Variants in ARHGAP35 observed in about 807,000 individuals in gnomAD.
ARHGAP35 encodes the protein rho GTPase-activating protein 35.
Under a neutral mutation model 111.1 loss-of-function variants are expected in ARHGAP35, and 15 were observed. That is an observed-to-expected ratio of 0.13 (90% CI 0.09 to 0.21). The LOEUF is 0.21. ARHGAP35 is among the 10% of genes least tolerant of loss of function. The pLI is 1.00. For missense variants in ARHGAP35, 1,262 were observed against 1,873.0 expected (o/e 0.67, Z 6.02); for synonymous variants, 643 against 710.3 (o/e 0.91, Z 1.51).
rs1342042807 is a variant in ARHGAP35, at chr19:46,999,042, T to C, written c.4037-262T>C. Reference sequence around the variant, plus strand: ...CGGAGTGTCTCCAGATTGTTCTGTCTTGGGTGGTGGGGGCCAGGAAGCCCC... The same window carrying C: ...CGGAGTGTCTCCAGATTGTTCTGTCCTGGGTGGTGGGGGCCAGGAAGCCCC... On this transcript the variant is annotated intron_variant, in intron 5 of 6. Coordinates refer to ENST00000672722, the MANE Select transcript of ARHGAP35 (RefSeq NM_004491.5). This position sits in a 1 kb window ranked among gnomAD's most constrained non-coding sequence, Gnocchi z 5.4. 1 of 501,182 alleles carries C rather than the reference T, an allele frequency of 2.0e-6. No individual in the cohort carries two copies. The highest frequency in any genetic ancestry group is 3.3e-5 in the Admixed American group (1 of 30,216). The allele number at this position is 501,182 out of a possible 1,614,324, so 31.0% of individuals were successfully genotyped here.
chr19:46,937,584 G>A (rs1438980357), intron 3 of ARHGAP35, among the ~76,000 whole-genome samples, 176 bp downstream of exon 3: 2 of 151,214 alleles, frequency 1.3e-5, no homozygotes, highest in Admixed American at 1.3e-4. Flanking sequence ...TTTGTGTGCA[G>A]TTTTGAGGCT....
Position 46,919,128 on chromosome 19 carries a change from A to G in ARHGAP35, c.453A>G (p.Pro151=). Residue 151 remains proline, a synonymous_variant, in exon 2 of 7, where the codon CCA becomes CCG. Coordinates refer to ENST00000672722, the MANE Select transcript of ARHGAP35 (RefSeq NM_004491.5). This position sits in a 1 kb window ranked among gnomAD's most constrained non-coding sequence, Gnocchi z 6.2. ...LEQDFEQKQM[P]DGKLLVDGFL... ...AGGACTTTGAGCAGAAACAAATGCC[A>G]GACGGAAAGCTGCTGGTTGATGGTT... The G allele has an allele frequency of 6.2e-7, 1 of 1,614,032 alleles. No individual in the cohort carries two copies. Among genetic ancestry groups the G allele is most frequent in the East Asian group, 2.2e-5 (1 of 44,880 alleles).
chr19:46,966,472 G>A (rs888047977), intron 3 of ARHGAP35, among the ~76,000 whole-genome samples: 6 of 152,142 alleles, frequency 3.9e-5, no homozygotes, highest in African/African-American at 1.2e-4. Flanking sequence ...TCACTTGAGC[G>A]TGGGAGGTTG....
At chr19:46,927,209 C>T (rs140264344) in intron 2 of ARHGAP35, among the ~76,000 whole-genome samples, 19 of 152,322 alleles carry the variant, frequency 1.2e-4, no homozygotes, top group African/African-American at 4.6e-4. Context: ...ACATGCATTT[C>T]GGTGCGTGGG....
At chr19:46,873,210 C>T (rs1214263794) in intron 1 of ARHGAP35, among the ~76,000 whole-genome samples, 7 of 152,088 alleles carry the variant, frequency 4.6e-5, no homozygotes, top group Admixed American at 3.9e-4. Flanking sequence ...AGAATGCTTT[C>T]GCCCAGTGTG....
intron 5 of ARHGAP35, among the ~76,000 whole-genome samples, chr19:46,997,215 C>T (rs1308748181): frequency 2.6e-5 from 4 of 152,174 alleles, no homozygotes; most frequent in Admixed American, 2.0e-4. Flanking sequence ...ACCTTGGATT[C>T]AGAGAGATGA....
intron 3 of ARHGAP35, among the ~76,000 whole-genome samples, chr19:46,966,067 C>T (rs912336988): frequency 6.6e-6 from 1 of 152,178 alleles, no homozygotes; most frequent in East Asian, 1.9e-4. Context: ...TTCACTTGTA[C>T]ATCCAGCAGC....
At chr19:46,973,019 G>C (rs1010202569) in intron 3 of ARHGAP35, among the ~76,000 whole-genome samples, 4 of 89,266 alleles carry the variant, frequency 4.5e-5, no homozygotes, top group Admixed American at 1.9e-4. Flanking sequence ...AACTACCTGA[G>C]GATTTTTTTT....
At chr19:46,967,430 C>T (rs1568482378) in intron 3 of ARHGAP35, among the ~76,000 whole-genome samples, 1 of 152,166 alleles carries the variant, frequency 6.6e-6, no homozygotes, top group Non-Finnish European at 1.5e-5. Flanking sequence ...ATTGTTTTTA[C>T]CACCTAAGCG....
chr19:46,929,261 T>G (rs932005975), intron 2 of ARHGAP35, among the ~76,000 whole-genome samples: 1 of 152,192 alleles, frequency 6.6e-6, no homozygotes, highest in African/African-American at 2.4e-5. Context: ...AGAATACATT[T>G]GGAGCATAAG....
intron 1 of ARHGAP35, among the ~76,000 whole-genome samples, chr19:46,880,915 ATCC>A (rs1329815065): frequency 6.9e-6 from 1 of 145,564 alleles, no homozygotes; most frequent in Non-Finnish European, 1.5e-5. Flanking sequence ...GCCTGAAGGG[ATCC>A]TCCTGCCTCA....
chr19:46,914,438 C>T (rs891795136), intron 1 of ARHGAP35, among the ~76,000 whole-genome samples: 16 of 151,534 alleles, frequency 1.1e-4, no homozygotes, highest in African/African-American at 3.9e-4. Context: ...TAGCAAGACC[C>T]CATTTCTAAA....
chr19:46,911,811 G>A (rs2056138851), intron 1 of ARHGAP35, among the ~76,000 whole-genome samples: 1 of 152,032 alleles, frequency 6.6e-6, no homozygotes, highest in Non-Finnish European at 1.5e-5. Context: ...TACTAATTAA[G>A]GTTCTCTAAA....
rs1032700829 is a variant in ARHGAP35, at chr19:46,992,489, C to T, written c.4036+2814C>T. On this transcript the variant is annotated intron_variant, in intron 5 of 6. Transcript: ENST00000672722. The surrounding 1 kb of genome is among the most constrained non-coding windows in gnomAD (Gnocchi z 4.4). ...TGCCTGTTCTGTCTCCTACCTGTAG[C>T]CCACCCCCACCTTCAAGAGTCGCTC... Among the ~76,000 whole-genome samples, 2 of 151,978 alleles carry T rather than the reference C, an allele frequency of 1.3e-5. No homozygotes were observed. Among genetic ancestry groups the T allele is most frequent in the Non-Finnish European group, 2.9e-5 (2 of 67,976 alleles).
Position 46,920,657 on chromosome 19 carries a change from G to T in ARHGAP35, c.1982G>T (p.Cys661Phe). 6.2e-7 allele frequency: 1 copy of T among 1,614,010 alleles called. No individual in the cohort carries two copies. Among genetic ancestry groups the T allele is most frequent in the Non-Finnish European group, 8.5e-7 (1 of 1,179,904 alleles). Reference sequence around the variant, plus strand: ...ACGCCAACATTTCAGCCCCACGGCTGTCTCTGCCTTTACAATTCAAAGGAA... The same window carrying T: ...ACGCCAACATTTCAGCCCCACGGCTTTCTCTGCCTTTACAATTCAAAGGAA... Reference protein sequence around the residue: ...FQTPTFQPHGCLCLYNSKESL... With the variant: ...FQTPTFQPHGFLCLYNSKESL... Residue 661 changes from cysteine (C) to phenylalanine (F), a missense_variant, in exon 2 of 7, where the codon TGT becomes TTT. Cys to Phe is a radical substitution (Grantham distance 205, BLOSUM62 -2). Around this residue, in one of 8 missense-constraint regions of ARHGAP35, gnomAD observed 37 missense variants for 83.9 expected, o/e 0.44. Coordinates refer to ENST00000672722, the MANE Select transcript of ARHGAP35 (RefSeq NM_004491.5). The surrounding 1 kb of genome is among the most constrained non-coding windows in gnomAD (Gnocchi z 7.0).
chr19:46,976,255 G>A (rs1274265830), intron 3 of ARHGAP35, among the ~76,000 whole-genome samples: 6 of 107,166 alleles, frequency 5.6e-5, no homozygotes, highest in African/African-American at 1.5e-4. Context: ...CCACCCTCCC[G>A]TTTTTCTGCT....
At chr19:46,916,656 AT>A (rs2056165977) in intron 1 of ARHGAP35, among the ~76,000 whole-genome samples, 2 of 150,362 alleles carry the variant, frequency 1.3e-5, no homozygotes, top group Admixed American at 6.6e-5. Flanking sequence ...ATTTTTTTTT[AT>A]TTGGAAATGA....
intron 3 of ARHGAP35, among the ~76,000 whole-genome samples, chr19:46,961,039 C>T (rs1321380226): frequency 2.0e-5 from 3 of 151,946 alleles, no homozygotes; most frequent in African/African-American, 7.3e-5. Context: ...GGATTACCGG[C>T]GCCTGCCACC....
chr19:46,861,096 C>CGCCTCA lies in ARHGAP35; in HGVS notation c.-299_-298insTCAGCC, dbSNP rs2055823467. ...CCGCCCGGCCCCCCGCCGCCGGAGC[C>CGCCTCA]GCCGCCGCCGCCTCAGCCGCCGCTG... On this transcript the variant is annotated 5_prime_UTR_variant, in exon 1 of 7. Transcript: ENST00000672722. Among the ~76,000 whole-genome samples, 1 of 151,142 alleles carries CGCCTCA rather than the reference C, an allele frequency of 6.6e-6. No homozygotes were observed. The highest frequency in any genetic ancestry group is 1.5e-5 in the Non-Finnish European group (1 of 67,462).
Sources: gnomAD v4.1 joint callset for allele counts (sites outside exome capture counted in the v4.1 genomes callset) on GRCh38, gnomAD v4.1.1 for gene constraint, gnomAD v4.1.1 regional missense constraint, Gnocchi (gnomAD v3.1) non-coding constraint, MANE v1.5 for transcripts, NCBI Gene and HGNC (gene_info 2026-07-23, HGNC 2026-07-21) for gene names.